Variants in LRRTM3 observed in about 807,000 individuals in gnomAD.
The protein encoded by LRRTM3 is leucine rich repeat transmembrane neuronal 3.
In LRRTM3, 24 loss-of-function variants were observed where a neutral mutation model predicts 44.7. That is an observed-to-expected ratio of 0.54 (90% confidence interval 0.39 to 0.76). The LOEUF is 0.76. Ranked by LOEUF, LRRTM3 falls within the 30% of genes least tolerant of loss-of-function variation. The probability of loss-of-function intolerance (pLI) is 0.00; values close to 1 mark genes in which losing one functional copy is unlikely to be tolerated. For synonymous variants in LRRTM3, 277 were observed against 278.7 expected (o/e 0.99, Z 0.06); for missense variants, 587 against 702.2 (o/e 0.84, Z 1.85).
chr10:67,084,441 C>G (rs555046531), intron 2 of LRRTM3, among the ~76,000 whole-genome samples: 187 of 151,916 alleles, frequency 1.2e-3, no homozygotes, highest in Non-Finnish European at 2.2e-3. Context: ...AAGTGGAGAA[C>G]CAAATATTAA....
intron 2 of LRRTM3, among the ~76,000 whole-genome samples, chr10:67,041,565 G>T (rs1378159844): frequency 6.6e-6 from 1 of 151,996 alleles, no homozygotes; most frequent in African/African-American, 2.4e-5. Flanking sequence ...TATAGTAATT[G>T]ACTGGCTCAT....
intron 2 of LRRTM3, among the ~76,000 whole-genome samples, chr10:67,003,356 T>C (rs1482597195): frequency 6.6e-6 from 1 of 152,184 alleles, no homozygotes; most frequent in African/African-American, 2.4e-5. Flanking sequence ...TAAAAAGAGC[T>C]TCACATACTG....
intron 2 of LRRTM3, among the ~76,000 whole-genome samples, chr10:67,058,471 T>C (rs1213686582): frequency 1.3e-5 from 2 of 152,200 alleles, no homozygotes; most frequent in Non-Finnish European, 2.9e-5. Context: ...GTAAACAACA[T>C]TTGAAGTAAA....
intron 2 of LRRTM3, among the ~76,000 whole-genome samples, chr10:67,074,276 C>T (rs575362630): frequency 1.4e-3 from 214 of 151,202 alleles, no homozygotes; most frequent in African/African-American, 4.8e-3. Context: ...ATGATCTGCC[C>T]GCCTTGGCCC....
intron 2 of LRRTM3, among the ~76,000 whole-genome samples, chr10:66,956,609 A>G (rs1378773832): frequency 6.6e-6 from 1 of 152,196 alleles, no homozygotes; most frequent in Non-Finnish European, 1.5e-5. Flanking sequence ...TCAATAGTCA[A>G]AAGGCATAAT....
intron 2 of LRRTM3, among the ~76,000 whole-genome samples, chr10:67,005,310 A>G (rs1230776267): frequency 1.3e-5 from 2 of 152,172 alleles, no homozygotes; most frequent in African/African-American, 2.4e-5. Flanking sequence ...TCAATGTGGA[A>G]GAGGCATAAT....
intron 2 of LRRTM3, among the ~76,000 whole-genome samples, chr10:66,974,341 T>C (rs1446910046): frequency 6.6e-6 from 1 of 152,240 alleles, no homozygotes; most frequent in African/African-American, 2.4e-5. Context: ...TCATTCATTT[T>C]AATTGCTGAG....
chr10:66,987,526 C>T (rs1275755452), intron 2 of LRRTM3, among the ~76,000 whole-genome samples: 1 of 152,136 alleles, frequency 6.6e-6, no homozygotes, highest in Non-Finnish European at 1.5e-5. Context: ...TTCCAGTTAA[C>T]TCTGAAAAAG....
intron 2 of LRRTM3, among the ~76,000 whole-genome samples, chr10:66,995,470 A>C (rs893001338): frequency 6.6e-6 from 1 of 152,150 alleles, no homozygotes; most frequent in Non-Finnish European, 1.5e-5. Flanking sequence ...TCCATTCTCC[A>C]AACATTCACC....
At chr10:66,968,993 G>A (rs1038158070) in intron 2 of LRRTM3, among the ~76,000 whole-genome samples, 3 of 151,438 alleles carry the variant, frequency 2.0e-5, no homozygotes, top group African/African-American at 7.3e-5. Context: ...CTCCAGCCTG[G>A]GCAACAGAAT....
chr10:66,971,241 C>G (rs1367951940), intron 2 of LRRTM3, among the ~76,000 whole-genome samples: 1 of 152,048 alleles, frequency 6.6e-6, no homozygotes. Flanking sequence ...GCCTGACCAA[C>G]ATAGTGAAAC....
intron 2 of LRRTM3, among the ~76,000 whole-genome samples, chr10:67,020,321 A>G (rs1852925778): frequency 6.6e-6 from 1 of 152,198 alleles, no homozygotes; most frequent in Non-Finnish European, 1.5e-5. Flanking sequence ...GTTAAATTAT[A>G]TTATTAAGAG....
chr10:67,002,435 T>C (rs998255222), intron 2 of LRRTM3, among the ~76,000 whole-genome samples: 1 of 152,196 alleles, frequency 6.6e-6, no homozygotes, highest in Non-Finnish European at 1.5e-5. Context: ...GGAAAAGTAA[T>C]GCTTTCTACA....
intron 2 of LRRTM3, among the ~76,000 whole-genome samples, chr10:66,989,348 T>C (rs970596286): frequency 6.6e-6 from 1 of 152,206 alleles, no homozygotes; most frequent in East Asian, 1.9e-4. Flanking sequence ...GAAACAAGCA[T>C]TGTGGCAGAG....
Position 67,042,919 on chromosome 10 carries a change from A to G in LRRTM3, c.1537-54668A>G, listed in dbSNP as rs948946176. The stretch of plus-strand genomic sequence containing the variant: ...TATATTTCCTGTAACAAATTTGAAT[A>G]TATTCGAACGCTATAAAAGAGGAGC... On this transcript the variant is annotated intron_variant, in intron 2 of 2. Transcript: ENST00000361320. Among the ~76,000 whole-genome samples, 50 of 152,120 alleles carry G rather than the reference A, an allele frequency of 3.3e-4. 1 individual carries two copies. Among genetic ancestry groups the G allele is most frequent in the Admixed American group, 3.2e-3 (49 of 15,268 alleles).
Position 67,100,704 on chromosome 10 carries a change from C to A in LRRTM3, c.*2908C>A, listed in dbSNP as rs1308693720. On this transcript the variant is annotated 3_prime_UTR_variant, in exon 3 of 3. Transcript: ENST00000361320. ...ATAACAGCCAGCAGCTGCAGCAAAC[C>A]ATAAAGTTATGCAGTGTTTTGAAGT... is the stretch of plus-strand genomic sequence containing the variant. Among the ~76,000 whole-genome samples, 2 of 151,620 alleles carry A rather than the reference C, an allele frequency of 1.3e-5. No individual in the cohort carries two copies. Among genetic ancestry groups the A allele is most frequent in the East Asian group, 3.9e-4 (2 of 5,152 alleles).
chr10:67,024,178 A>G (rs1277306347), intron 2 of LRRTM3, among the ~76,000 whole-genome samples: 1 of 151,614 alleles, frequency 6.6e-6, no homozygotes, highest in Admixed American at 6.6e-5. Flanking sequence ...AGACTACTAC[A>G]CTCCTTGGCT....
chr10:67,096,373 A>C (rs1857994550), intron 2 of LRRTM3, among the ~76,000 whole-genome samples: 1 of 151,856 alleles, frequency 6.6e-6, no homozygotes, highest in South Asian at 2.1e-4. Context: ...GATGCAGTTA[A>C]TAAAAAAATA....
At chr10:67,025,327 A>G (rs1853304221) in intron 2 of LRRTM3, among the ~76,000 whole-genome samples, 2 of 151,006 alleles carry the variant, frequency 1.3e-5, no homozygotes. Flanking sequence ...TTGTAAGCCC[A>G]TGCAAAAAAA....
Sources: gnomAD v4.1 joint callset for allele counts (sites outside exome capture counted in the v4.1 genomes callset) on GRCh38, gnomAD v4.1.1 for gene constraint, MANE v1.5 for transcripts, NCBI Gene and HGNC (gene_info 2026-07-23, HGNC 2026-07-21) for gene names.